The following PKHD1 variants were observed in gnomAD, a reference collection of about 807,000 sequenced individuals.
The protein encoded by PKHD1 is fibrocystin.
A neutral mutation model predicts 412.0 loss-of-function variants in PKHD1; 291 were observed. The observed-to-expected ratio is 0.71, with a 90% CI of 0.64 to 0.78. PKHD1 has a LOEUF of 0.78. Among genes scored for constraint, PKHD1 ranks in the 30% least tolerant of loss-of-function variants. The pLI, the probability that PKHD1 is intolerant of heterozygous loss-of-function variation, is 0.00. For missense variants in PKHD1, 4,825 were observed against 4,950.7 expected (o/e 0.97, Z 0.76); for synonymous variants, 1,777 against 1,821.5 (o/e 0.98, Z 0.62).
At chr6:51,895,458 T>C (rs974460865) in intron 43 of PKHD1, among the ~76,000 whole-genome samples, 9 of 152,232 alleles carry the variant, frequency 5.9e-5, no homozygotes, top group Non-Finnish European at 1.2e-4. Context: ...ACTAAACTTA[T>C]TTTTCAGTCA....
intron 60 of PKHD1, among the ~76,000 whole-genome samples, chr6:51,738,267 C>T (rs891255452): frequency 6.6e-6 from 1 of 152,146 alleles, no homozygotes; most frequent in African/African-American, 2.4e-5. Flanking sequence ...AATCCTACTG[C>T]CACCTTTCTT....
intron 37 of PKHD1, among the ~76,000 whole-genome samples, chr6:51,928,434 T>C (rs1006477605): frequency 6.6e-6 from 1 of 152,170 alleles, no homozygotes; most frequent in Admixed American, 6.6e-5. Flanking sequence ...ATTGTGTCGG[T>C]TGCATTTGCT....
intron 50 of PKHD1, among the ~76,000 whole-genome samples, chr6:51,842,604 C>A (rs1434936711): frequency 6.6e-6 from 1 of 152,130 alleles, no homozygotes; most frequent in Non-Finnish European, 1.5e-5. Flanking sequence ...CCGCCTCCCT[C>A]CAATCTTCTC....
At chr6:51,741,191 C>T (rs200279308) in intron 60 of PKHD1, 47 of 518,718 alleles carry the variant, frequency 9.1e-5, no homozygotes, top group Non-Finnish European at 1.4e-4. Context: ...GGTAAGCAAC[C>T]ACCTAAAATG....
chr6:51,980,497 A>C (rs766015246), intron 35 of PKHD1, among the ~76,000 whole-genome samples: 12 of 152,238 alleles, frequency 7.9e-5, no homozygotes, highest in Non-Finnish European at 1.6e-4. Context: ...TCAACCCATA[A>C]ACATTTATTG....
At chr6:51,886,383 T>C (rs146359300) in intron 44 of PKHD1, among the ~76,000 whole-genome samples, 72 of 152,216 alleles carry the variant, frequency 4.7e-4, no homozygotes, top group Non-Finnish European at 9.6e-4. Context: ...AGCCAAGACA[T>C]AGAGGCAGCC....
chr6:51,821,081 C>T (rs1766347752), intron 52 of PKHD1, among the ~76,000 whole-genome samples: 1 of 152,194 alleles, frequency 6.6e-6, no homozygotes, highest in Admixed American at 6.5e-5. Flanking sequence ...AATACATATG[C>T]AATCACTCAG....
At chr6:51,962,850 T>C (rs1355101372) in intron 35 of PKHD1, among the ~76,000 whole-genome samples, 1 of 152,064 alleles carries the variant, frequency 6.6e-6, no homozygotes. Context: ...TAATAATGCC[T>C]CATTCTAGTA....
At chr6:51,731,891 GA>G (rs1783281497) in intron 60 of PKHD1, among the ~76,000 whole-genome samples, 1 of 152,020 alleles carries the variant, frequency 6.6e-6, no homozygotes. Context: ...ACAATTATTG[GA>G]AAATGTTTAG....
chr6:51,857,374 G>C (rs370501743), intron 48 of PKHD1, among the ~76,000 whole-genome samples: 12 of 152,212 alleles, frequency 7.9e-5, no homozygotes, highest in Non-Finnish European at 1.6e-4. Context: ...GTGAGATGGG[G>C]CATGAGTATA....
chr6:51,796,081 AG>A (rs536159393), intron 52 of PKHD1, among the ~76,000 whole-genome samples: 40 of 152,336 alleles, frequency 2.6e-4, no homozygotes, highest in South Asian at 1.9e-3. Flanking sequence ...CAGTAGGAAT[AG>A]TACCAGCTCT....
chr6:51,666,205 G>C (rs1047420089), intron 60 of PKHD1, among the ~76,000 whole-genome samples: 1 of 152,038 alleles, frequency 6.6e-6, no homozygotes, highest in South Asian at 2.1e-4. Flanking sequence ...TCAAAATTTG[G>C]AGTGGGAATG....
chr6:51,736,728 A>G (rs1048872427), intron 60 of PKHD1, among the ~76,000 whole-genome samples: 11 of 152,160 alleles, frequency 7.2e-5, no homozygotes, highest in Admixed American at 1.3e-4. Flanking sequence ...CAAATTTTCT[A>G]ACCGTTTCCT....
intron 60 of PKHD1, among the ~76,000 whole-genome samples, chr6:51,730,966 G>A (rs532745580): frequency 1.3e-5 from 2 of 152,244 alleles, no homozygotes; most frequent in East Asian, 1.9e-4. Flanking sequence ...TGTCACCCAC[G>A]CTGGAGTGCA....
intron 35 of PKHD1, among the ~76,000 whole-genome samples, chr6:51,977,621 C>T (rs9474124): frequency 0.3 from 45,289 of 152,124 alleles, 6,985 homozygotes; most frequent in East Asian, 0.43. Context: ...GTCCTTACCC[C>T]ACACTGCCTT....
chr6:52,065,135 A>T lies in PKHD1; in HGVS notation c.881-85T>A, dbSNP rs529814710. 93 of 56,972 alleles carry T rather than the reference A, an allele frequency of 1.6e-3. 2 individuals carry two copies. Among genetic ancestry groups the T allele is most frequent in the South Asian group, 0.016 (25 of 1,540 alleles). The allele number at this position is 56,972 out of a possible 1,614,324, so 3.5% of individuals were successfully genotyped here. ...TATGTGTGTGGGTATATGTATAATT[A>T]TATATATATATATATATATATATAT... On this transcript the variant is annotated intron_variant, in intron 12 of 66. Transcript: ENST00000371117.
intron 60 of PKHD1, among the ~76,000 whole-genome samples, chr6:51,662,988 T>C (rs1003881311): frequency 6.6e-6 from 1 of 152,040 alleles, no homozygotes; most frequent in Admixed American, 6.6e-5. Flanking sequence ...TGTGTTTTTT[T>C]CCCTGTGATT....
chr6:51,776,073 G>A, intron 53 of PKHD1, 152 bp from the exon 54 acceptor site: 2 of 584,064 alleles, frequency 3.4e-6, no homozygotes, highest in Non-Finnish European at 3.0e-6. Context: ...ATAAGAGTAG[G>A]ATAAAAAAGA....
intron 52 of PKHD1, among the ~76,000 whole-genome samples, chr6:51,811,750 T>A (rs1764715534): frequency 6.6e-6 from 1 of 152,136 alleles, no homozygotes; most frequent in South Asian, 2.1e-4. Flanking sequence ...AGTAAAATAC[T>A]CAATTAATTA....
Sources: gnomAD v4.1 joint callset for allele counts (sites outside exome capture counted in the v4.1 genomes callset) on GRCh38, gnomAD v4.1.1 for gene constraint, MANE v1.5 for transcripts, NCBI Gene and HGNC (gene_info 2026-07-23, HGNC 2026-07-21) for gene names.